PLXNA4: variants seen among roughly 807,000 people sequenced by gnomAD.
PLXNA4 encodes plexin-A4.
PLXNA4 carries 44 observed loss-of-function variants against 191.8 expected under a neutral mutation model. The observed-to-expected ratio is 0.23, with a 90% confidence interval of 0.18 to 0.29. The LOEUF is 0.29. Ranked by LOEUF, PLXNA4 falls within the 10% of genes least tolerant of loss-of-function variation. PLXNA4 has a pLI of 1.00. For missense variants in PLXNA4, 1,800 were observed against 2,488.8 expected, an observed-to-expected ratio of 0.72 and a Z score of 5.89; for synonymous variants, 1,082 against 1,009.5, an observed-to-expected ratio of 1.07 and a Z score of -1.36.
intron 3 of PLXNA4, among the ~76,000 whole-genome samples, chr7:132,332,867 G>GAAAAA (rs537591833): frequency 1.0e-5 from 1 of 98,582 alleles, no homozygotes; most frequent in Admixed American, 9.5e-5. Flanking sequence ...CTCAAAAAAA[G>GAAAAA]AAAAAAAAAA....
intron 1 of PLXNA4, among the ~76,000 whole-genome samples, chr7:132,564,828 C>A (rs200657841): frequency 1.8e-4 from 28 of 152,298 alleles, no homozygotes; most frequent in Admixed American, 6.5e-4. Context: ...GAACCTACTA[C>A]TACCAGGATG....
chr7:132,136,682 A>T (rs1795123238), intron 30 of PLXNA4, among the ~76,000 whole-genome samples: 1 of 152,236 alleles, frequency 6.6e-6, no homozygotes, highest in Non-Finnish European at 1.5e-5. Context: ...AGAGAGTGAC[A>T]GTGCGTATCT....
rs1388089640 is a variant in PLXNA4 at position 132,128,884 on chromosome 7, CAG to C, written c.*1593_*1594del. ...AACAACTCCAGAGCAGAGGTGCCAACAGAGACTCCTGCTTAGGATGGGAGACT... is the reference window on the plus strand; with the variant it reads ...AACAACTCCAGAGCAGAGGTGCCAACAGACTCCTGCTTAGGATGGGAGACT... On this transcript the variant is annotated 3_prime_UTR_variant, in exon 32 of 32. Coordinates refer to ENST00000321063, the MANE Select transcript of PLXNA4 (RefSeq NM_020911.2). 2 of 152,254 alleles carry C rather than the reference CAG, an allele frequency of 1.3e-5. No individual in the cohort carries two copies. The highest frequency in any genetic ancestry group is 4.8e-5 in the African/African-American group (2 of 41,462). The allele number at this position is 152,254 out of a possible 1,614,324, so 9.4% of individuals were successfully genotyped here.
chr7:132,537,030 G>A (rs552294740), intron 1 of PLXNA4, among the ~76,000 whole-genome samples: 79 of 152,300 alleles, frequency 5.2e-4, no homozygotes, highest in African/African-American at 1.8e-3. Context: ...AGAGAAGTCC[G>A]GGAAGCCTTG....
At chr7:132,424,598 C>G (rs1179592763) in intron 3 of PLXNA4, among the ~76,000 whole-genome samples, 3 of 152,162 alleles carry the variant, frequency 2.0e-5, no homozygotes, top group Non-Finnish European at 2.9e-5. Context: ...GCCCCTCCCC[C>G]ATGTGAGGAC....
intron 2 of PLXNA4, among the ~76,000 whole-genome samples, chr7:132,631,320 C>T (rs1327039805): frequency 6.6e-6 from 1 of 152,160 alleles, no homozygotes; most frequent in Non-Finnish European, 1.5e-5. Flanking sequence ...GTTTAAGAGG[C>T]ACAGCCCTTA....
At position 132,462,975 on chromosome 7, in the gene PLXNA4, G is replaced by A. The variant is rs892128701; in HGVS notation, c.1371+26317C>T. ...AGTGATTCTCCTGCCTCAGCCTCCC[G>A]AGTAGCTGAGATTACAGGCACACAA... On this transcript the variant is annotated intron_variant, in intron 3 of 31. Transcript: ENST00000321063. 5.3e-5 allele frequency among the ~76,000 whole-genome samples: 8 copies of A among 151,084 alleles called. No individual in the cohort carries two copies. The East Asian group carries it at 5.8e-4, about 11-fold the overall frequency.
intron 20 of PLXNA4, 113 bp from the exon 21 acceptor site, chr7:132,175,033 C>A (rs1796412312): frequency 2.0e-6 from 3 of 1,472,424 alleles, no homozygotes; most frequent in Admixed American, 2.1e-5. Context: ...GAGCAATGGA[C>A]CACGATGGGC....
intron 3 of PLXNA4, among the ~76,000 whole-genome samples, chr7:132,376,743 G>A (rs926784635): frequency 1.3e-5 from 2 of 152,168 alleles, no homozygotes; most frequent in Non-Finnish European, 2.9e-5. Flanking sequence ...GGTGGCTTTG[G>A]CCTGGATTTG....
chr7:132,357,135 C>A (rs1450843395), intron 3 of PLXNA4, among the ~76,000 whole-genome samples: 1 of 152,210 alleles, frequency 6.6e-6, no homozygotes, highest in Admixed American at 6.5e-5. Flanking sequence ...AAAAAATGTA[C>A]ATGTGGCTAG....
intron 3 of PLXNA4, among the ~76,000 whole-genome samples, chr7:132,335,539 C>CCCCCA (rs1229429017): frequency 6.6e-6 from 1 of 152,152 alleles, no homozygotes; most frequent in Non-Finnish European, 1.5e-5. Flanking sequence ...AAATAGAACA[C>CCCCCA]CCCCACCCCC....
At chr7:132,275,419 A>C (rs1471491533) in intron 4 of PLXNA4, among the ~76,000 whole-genome samples, 1 of 152,282 alleles carries the variant, frequency 6.6e-6, no homozygotes, top group South Asian at 2.1e-4. Context: ...GTTTCATGAA[A>C]CCACCACCAC....
At chr7:132,561,581 CTCT>C (rs1452225383) in intron 1 of PLXNA4, among the ~76,000 whole-genome samples, 4 of 103,890 alleles carry the variant, frequency 3.9e-5, no homozygotes, top group African/African-American at 1.6e-4. Context: ...TCCCCTCCTC[CTCT>C]TCCTCCTTCT....
chr7:132,559,567 A>G (rs891088031), intron 1 of PLXNA4, among the ~76,000 whole-genome samples: 1 of 152,148 alleles, frequency 6.6e-6, no homozygotes, highest in Non-Finnish European at 1.5e-5. Flanking sequence ...AAGTCTCACT[A>G]CCTTCCGCAG....
chr7:132,146,390 G>C (rs1795434712), intron 28 of PLXNA4, 120 bp downstream of exon 28: 2 of 1,530,388 alleles, frequency 1.3e-6, no homozygotes, highest in Non-Finnish European at 9.0e-7. Flanking sequence ...TCCTGGGGTG[G>C]GTAATAGAGT....
At chr7:132,334,252 CTT>C (rs71529758) in intron 3 of PLXNA4, among the ~76,000 whole-genome samples, 6 of 75,606 alleles carry the variant, frequency 7.9e-5, no homozygotes, top group Admixed American at 7.2e-4. Flanking sequence ...TTCTTTCTTT[CTT>C]TTTTTTTTTT....
intron 3 of PLXNA4, among the ~76,000 whole-genome samples, chr7:132,402,510 C>CAGGGG (rs1794031818): frequency 6.6e-6 from 1 of 152,188 alleles, no homozygotes; most frequent in African/African-American, 2.4e-5. Context: ...AACATACACA[C>CAGGGG]AGGGGAGAGG....
At chr7:132,265,909 G>A (rs929315153) in intron 4 of PLXNA4, among the ~76,000 whole-genome samples, 1 of 152,142 alleles carries the variant, frequency 6.6e-6, no homozygotes, top group Admixed American at 6.5e-5. Flanking sequence ...GGAAATGGAG[G>A]TGCACACAGG....
chr7:132,266,831 C>G (rs1239037843), intron 4 of PLXNA4, among the ~76,000 whole-genome samples: 2 of 152,236 alleles, frequency 1.3e-5, no homozygotes, highest in African/African-American at 4.8e-5. Flanking sequence ...GTCTGGTCAT[C>G]AAACAGAACT....
Sources: gnomAD v4.1 joint callset for allele counts (sites outside exome capture counted in the v4.1 genomes callset) on GRCh38, gnomAD v4.1.1 for gene constraint, MANE v1.5 for transcripts, NCBI Gene and HGNC (gene_info 2026-07-23, HGNC 2026-07-21) for gene names.